POLR3F: variants seen among roughly 807,000 people sequenced by gnomAD.
POLR3F encodes the protein DNA-directed RNA polymerase III subunit RPC6.
In POLR3F, 31 loss-of-function variants were observed where a neutral mutation model predicts 43.6. That is an observed-to-expected ratio of 0.71 (90% confidence interval 0.53 to 0.96). The LOEUF is 0.96. Among genes scored for constraint, POLR3F ranks in the 40% least tolerant of loss-of-function variants. The pLI, the probability that POLR3F is intolerant of heterozygous loss-of-function variation, is 0.00. For missense variants in POLR3F, 316 were observed against 391.7 expected (o/e 0.81, Z 1.63); for synonymous variants, 114 against 132.5 (o/e 0.86, Z 0.96).
At chr20:18,467,712 C>G in intron 1 of POLR3F, 144 bp downstream of exon 1, 7 of 1,481,828 alleles carry the variant, frequency 4.7e-6, no homozygotes, top group Admixed American at 2.3e-5. Flanking sequence ...TCTGGACCCA[C>G]TTGTTCCTTC....
intron 2 of POLR3F, among the ~76,000 whole-genome samples, chr20:18,470,200 C>T (rs963229746): frequency 1.3e-5 from 2 of 152,218 alleles, no homozygotes; most frequent in African/African-American, 4.8e-5. Context: ...AAGAGTTCTA[C>T]GCCAAGGCCT....
chr20:18,468,657 C>T (rs1004494520), intron 1 of POLR3F, among the ~76,000 whole-genome samples: 1 of 152,190 alleles, frequency 6.6e-6, no homozygotes, highest in Non-Finnish European at 1.5e-5. Context: ...ACTGAAGTCT[C>T]AGCTTTAATA....
chr20:18,483,911 G>C lies in POLR3F; in HGVS notation c.*353G>C. The C allele has an allele frequency of 2.5e-6, 1 of 394,862 alleles. No individual in the cohort carries two copies. 24.5% of individuals were successfully genotyped at this position (394,862 alleles called of 1,614,324 possible). ...ATGATAATGGCTAGAGTATAAAAAT[G>C]TTCTTTTTAAAGTTATTTATTAAGT... On this transcript the variant is annotated 3_prime_UTR_variant, in exon 9 of 9. Transcript: ENST00000377603.
At chr20:18,482,431 C>T (rs2059815798) in intron 8 of POLR3F, among the ~76,000 whole-genome samples, 1 of 152,126 alleles carries the variant, frequency 6.6e-6, no homozygotes, top group Admixed American at 6.5e-5. Context: ...CTACCTTGGG[C>T]CAGATATGTC....
intron 5 of POLR3F, 66 bp downstream of exon 5, chr20:18,475,253 T>G (rs1480124275): frequency 2.9e-6 from 2 of 680,954 alleles, no homozygotes. Flanking sequence ...CTTGAAGTTA[T>G]GTCATGATTT....
chr20:18,472,737 G>C (rs6136385), intron 2 of POLR3F, 105 bp from the exon 3 acceptor site: 1 of 617,068 alleles, frequency 1.6e-6, no homozygotes, highest in Non-Finnish European at 2.9e-6. Context: ...TTAAAGAGCA[G>C]GTTTTGAAAA....
Position 18,483,520 on chromosome 20 carries a change from T to C in POLR3F, c.913T>C (p.Ser305Pro). The C allele has an allele frequency of 6.5e-7, 1 of 1,538,612 alleles. No individual in the cohort carries two copies. Among genetic ancestry groups the C allele is most frequent in the Non-Finnish European group, 8.8e-7 (1 of 1,131,248 alleles). The change falls in exon 9 of 9, where the codon TCT (serine) becomes CCT (proline). Residue 305 changes from serine (S) to proline (P), a missense_variant. This residue lies in a region of POLR3F where 85 missense variants were observed against 80.2 expected (regional missense o/e 1.06). Transcript: ENST00000377603. ...CCACGAAGGTGGTGAGATTTCACCA[T>C]CTAACTGTATTTACATGACAGAGTG... ...DCHEGGEISP[S>P]NCIYMTEWLE...
chr20:18,469,040 C>A lies in POLR3F; in HGVS notation c.159C>A (p.Ala53=), dbSNP rs748958804. Residue 53 remains alanine (A), a synonymous_variant, in exon 2 of 9, where the codon GCC becomes GCA. Coordinates refer to ENST00000377603, the MANE Select transcript of POLR3F (RefSeq NM_006466.4). Reference sequence around the variant, plus strand: ...TAGAAGCCCAGCAGCGGGCAGTAGCCATCAATAGGTTGTTGTCTATGGTAA... The same window carrying A: ...TAGAAGCCCAGCAGCGGGCAGTAGCAATCAATAGGTTGTTGTCTATGGTAA... The part of the protein sequence containing the change: ...PHIEAQQRAV[A]INRLLSMGQL... 1.3e-6 allele frequency: 2 copies of A among 1,537,286 alleles called. No homozygotes were observed. Among genetic ancestry groups the A allele is most frequent in the East Asian group, 4.5e-5 (2 of 44,488 alleles).
intron 2 of POLR3F, among the ~76,000 whole-genome samples, chr20:18,472,476 G>A (rs533528653): frequency 2.0e-5 from 3 of 152,068 alleles, no homozygotes; most frequent in East Asian, 1.9e-4. Context: ...GAGCCACCAC[G>A]CCCAGCCATT....
chr20:18,467,648 T>C, intron 1 of POLR3F, 80 bp downstream of exon 1: 1 of 1,603,962 alleles, frequency 6.2e-7, no homozygotes, highest in South Asian at 1.1e-5. Context: ...CCGGGATCCC[T>C]TGGGAGTGGC....
intron 4 of POLR3F, among the ~76,000 whole-genome samples, chr20:18,474,611 C>T (rs187387864): frequency 2.0e-5 from 3 of 151,054 alleles, no homozygotes; most frequent in African/African-American, 4.9e-5. Flanking sequence ...CTCCGCCTCC[C>T]GGGTTCAAAC....
chr20:18,482,646 T>G (rs1180991099), intron 8 of POLR3F, among the ~76,000 whole-genome samples: 1 of 152,142 alleles, frequency 6.6e-6, no homozygotes, highest in Admixed American at 6.5e-5. Context: ...TCCCAAATAT[T>G]GTAAGTGCCA....
intron 5 of POLR3F, among the ~76,000 whole-genome samples, chr20:18,476,856 C>T (rs1274378291): frequency 2.0e-5 from 3 of 152,090 alleles, no homozygotes; most frequent in African/African-American, 7.2e-5. Flanking sequence ...GGGTGGATCA[C>T]CTGAGGTCAG....
chr20:18,481,524 C>T, intron 7 of POLR3F, 95 bp from the exon 8 acceptor site: 2 of 833,282 alleles, frequency 2.4e-6, no homozygotes, highest in Non-Finnish European at 2.0e-6. Context: ...CAGGCGTGAG[C>T]CACTGCGCCC....
In POLR3F at chr20:18,473,335, A is replaced by G. The variant is rs568939003; in HGVS notation, c.249-56A>G. ...TAATTTTGTTTAAGTAGTGATGTAG[A>G]TTATTAGATTATCCTATAGTCCTTA... On this transcript the variant is annotated intron_variant, in intron 3 of 8. Transcript: ENST00000377603. 2.4e-4 allele frequency: 178 copies of G among 751,700 alleles called. 1 individual carries two copies. The highest frequency in any genetic ancestry group is 3.7e-4 in the Non-Finnish European group (156 of 424,250). 46.6% of individuals were successfully genotyped at this position (751,700 alleles called of 1,614,324 possible). A position where few individuals can be genotyped will look rare whatever the true frequency, so the allele number is the denominator to read the frequency against.
At chr20:18,482,898 T>G (rs896858365) in intron 8 of POLR3F, among the ~76,000 whole-genome samples, 1 of 152,160 alleles carries the variant, frequency 6.6e-6, no homozygotes, top group Non-Finnish European at 1.5e-5. Context: ...CAAAATTAAG[T>G]CATTCATATG....
At chr20:18,469,436 C>G (rs967115818) in intron 2 of POLR3F, 23 of 171,644 alleles carry the variant, frequency 1.3e-4, no homozygotes, top group African/African-American at 5.4e-4. Flanking sequence ...GTATCTACAC[C>G]ATCAGCTCTC....
intron 2 of POLR3F, among the ~76,000 whole-genome samples, chr20:18,470,376 G>A (rs181543392): frequency 1.2e-4 from 18 of 152,292 alleles, no homozygotes; most frequent in Admixed American, 1.1e-3. Context: ...GACAGTATAT[G>A]TTTTAGGCTT....
chr20:18,482,328 TA>T lies in POLR3F; in HGVS notation c.873+519del, dbSNP rs533094240. 1.2e-3 allele frequency among the ~76,000 whole-genome samples: 178 copies of T among 152,258 alleles called. 2 individuals carry two copies. The highest frequency in any genetic ancestry group is 3.9e-3 in the African/African-American group (164 of 41,538). On this transcript the variant is annotated intron_variant, in intron 8 of 8. Coordinates refer to ENST00000377603, the MANE Select transcript of POLR3F (RefSeq NM_006466.4). ...TTGGAACAACCACATTAAGGATATT[TA>T]CGTTTTCTGCTCTTGGCCTTGAAAT...
Sources: allele counts gnomAD v4.1 joint callset (sites outside exome capture counted in the v4.1 genomes callset), GRCh38; gene constraint gnomAD v4.1.1; regional missense constraint gnomAD v4.1.1; transcripts MANE v1.5; gene names NCBI Gene and HGNC (gene_info 2026-07-23, HGNC 2026-07-21).